The following LARGE1 variants were observed in gnomAD, a reference collection of about 807,000 sequenced individuals.
LARGE1 encodes the protein LARGE xylosyl- and glucuronyltransferase 1, also known as xylosyl- and glucuronyltransferase LARGE1.
Under a neutral mutation model 87.6 loss-of-function variants are expected in LARGE1, and 43 were observed. The observed-to-expected ratio is 0.49, with a 90% CI of 0.38 to 0.63. The LOEUF is 0.63. LARGE1 is among the 30% of genes least tolerant of loss of function. The probability of loss-of-function intolerance (pLI) is 0.00; values close to 1 mark genes in which losing one functional copy is unlikely to be tolerated. For synonymous variants in LARGE1, 434 were observed against 394.6 expected, an observed-to-expected ratio of 1.10 and a Z score of -1.18; for missense variants, 802 against 1,000.2, an observed-to-expected ratio of 0.80 and a Z score of 2.67.
At chr22:33,338,446 C>T (rs191237443) in intron 9 of LARGE1, among the ~76,000 whole-genome samples, 2 of 152,240 alleles carry the variant, frequency 1.3e-5, no homozygotes, top group Admixed American at 1.3e-4. Context: ...GTCCTGGCCC[C>T]AGGTTTTAAT....
At chr22:33,788,941 A>G (rs1281030105) in intron 1 of LARGE1, among the ~76,000 whole-genome samples, 1 of 152,224 alleles carries the variant, frequency 6.6e-6, no homozygotes, top group Admixed American at 6.5e-5. Context: ...TGATAATGCA[A>G]TAGAAAAGAA....
In LARGE1 at chr22:33,907,815, T is replaced by C. The variant is rs2065501070; in HGVS notation, c.-83+12180A>G. The stretch of plus-strand genomic sequence containing the variant: ...GGTTTCACCATGTTAGCCAGGATGG[T>C]CTCAATCTCCTGACCTCGTGATCCA... On this transcript the variant is annotated intron_variant, in intron 1 of 14. Coordinates refer to ENST00000397394, the MANE Select transcript of LARGE1 (RefSeq NM_133642.5). 2.0e-5 allele frequency among the ~76,000 whole-genome samples: 3 copies of C among 152,084 alleles called. No individual in the cohort carries two copies. The South Asian group carries it at 6.2e-4, about 32-fold the overall frequency.
chr22:33,392,154 T>C (rs898083004), intron 7 of LARGE1, among the ~76,000 whole-genome samples: 3 of 149,376 alleles, frequency 2.0e-5, no homozygotes, highest in Non-Finnish European at 3.0e-5. Context: ...GCTTCTTCTT[T>C]TTTTTTTTTT....
chr22:33,666,127 A>G (rs186498810), intron 2 of LARGE1, among the ~76,000 whole-genome samples: 7 of 152,348 alleles, frequency 4.6e-5, no homozygotes, highest in South Asian at 4.1e-4. Context: ...ACTTGCAGGA[A>G]AGAGAAGCAG....
intron 1 of LARGE1, among the ~76,000 whole-genome samples, chr22:33,878,805 G>A (rs1170483841): frequency 2.0e-5 from 3 of 152,168 alleles, no homozygotes; most frequent in Non-Finnish European, 2.9e-5. Flanking sequence ...TTGTCACTGG[G>A]ATCACCGATG....
At chr22:33,409,382 C>A (rs1001399657) in intron 7 of LARGE1, among the ~76,000 whole-genome samples, 6 of 152,076 alleles carry the variant, frequency 3.9e-5, no homozygotes, top group African/African-American at 1.4e-4. Flanking sequence ...ATCCAGGCAA[C>A]AATAGGGATG....
At chr22:33,573,768 T>C (rs953985561) in intron 5 of LARGE1, among the ~76,000 whole-genome samples, 26 of 152,172 alleles carry the variant, frequency 1.7e-4, no homozygotes, top group Non-Finnish European at 2.9e-5. Flanking sequence ...GGGTGGTTCT[T>C]AGGATTCCTC....
chr22:33,135,803 G>A, the LARGE1 span, among the ~76,000 whole-genome samples: 10 of 151,918 alleles, frequency 6.6e-5, no homozygotes, highest in African/African-American at 2.2e-4. Context: ...TTGCTCTACC[G>A]CACTCCAGCC....
At chr22:33,710,584 T>A (rs1249709449) in intron 2 of LARGE1, among the ~76,000 whole-genome samples, 2 of 152,190 alleles carry the variant, frequency 1.3e-5, no homozygotes, top group African/African-American at 2.4e-5. Context: ...AAAGGTTCTT[T>A]TAATCAGAGG....
At position 33,387,185 on chromosome 22, in the gene LARGE1, G is replaced by C. The variant is rs112505465; in HGVS notation, c.893-2881C>G. The stretch of plus-strand genomic sequence containing the variant: ...CATGCCTGTAATCTCAGCACTTTGG[G>C]AGGCCAAGGTGCACAGATCATCTGA... On this transcript the variant is annotated intron_variant, in intron 7 of 14. Coordinates refer to ENST00000397394, the MANE Select transcript of LARGE1 (RefSeq NM_133642.5). 2.9e-3 allele frequency among the ~76,000 whole-genome samples: 434 copies of C among 148,452 alleles called. 41 individuals carry two copies. The South Asian group carries it at 0.04, about 14-fold the overall frequency.
At chr22:33,176,909 A>G (rs1256879457) in intron 11 of LARGE1, among the ~76,000 whole-genome samples, 2 of 152,198 alleles carry the variant, frequency 1.3e-5, no homozygotes, top group African/African-American at 4.8e-5. Flanking sequence ...AACTAACCCT[A>G]ACGTCCATTA....
At chr22:33,905,276 C>T (rs1486057243) in intron 1 of LARGE1, among the ~76,000 whole-genome samples, 2 of 151,780 alleles carry the variant, frequency 1.3e-5, no homozygotes. Flanking sequence ...ACTACGTTGC[C>T]AGGGCTGGTC....
intron 1 of LARGE1, among the ~76,000 whole-genome samples, chr22:33,785,028 TATATACATATATGTGTATACATAC>T (rs1291981228): frequency 6.7e-6 from 1 of 150,234 alleles, no homozygotes; most frequent in Admixed American, 6.6e-5. Flanking sequence ...TACATATGTG[TATATACATATATGTGTATACATAC>T]ATGTGTATAT....
At chr22:33,379,311 C>A (rs577521647) in intron 9 of LARGE1, among the ~76,000 whole-genome samples, 12 of 150,248 alleles carry the variant, frequency 8.0e-5, no homozygotes, top group African/African-American at 2.9e-4. Context: ...ATGTGCACAA[C>A]GTGCAGGTTT....
chr22:33,183,317 A>G (rs972861201), intron 11 of LARGE1, among the ~76,000 whole-genome samples: 1 of 152,138 alleles, frequency 6.6e-6, no homozygotes, highest in Non-Finnish European at 1.5e-5. Context: ...TATCAACAAG[A>G]CAAGAGATAA....
intron 11 of LARGE1, among the ~76,000 whole-genome samples, chr22:33,185,563 T>C (rs958075512): frequency 2.0e-5 from 3 of 152,156 alleles, no homozygotes; most frequent in Non-Finnish European, 4.4e-5. Context: ...CTTTGGGTGA[T>C]AATGATATGT....
At chr22:33,628,667 T>C (rs980239216) in intron 3 of LARGE1, among the ~76,000 whole-genome samples, 1 of 152,144 alleles carries the variant, frequency 6.6e-6, no homozygotes, top group Non-Finnish European at 1.5e-5. Context: ...TTTTAAGATA[T>C]ATTCTGTGCC....
chr22:33,490,194 A>G (rs2069769513), intron 6 of LARGE1, among the ~76,000 whole-genome samples: 2 of 152,196 alleles, frequency 1.3e-5, no homozygotes, highest in African/African-American at 4.8e-5. Context: ...TATTCGGGTA[A>G]GTTATTCCTA....
chr22:33,078,610 C>T, the LARGE1 span, among the ~76,000 whole-genome samples: 1 of 152,228 alleles, frequency 6.6e-6, no homozygotes, highest in Non-Finnish European at 1.5e-5. Flanking sequence ...CCAATGCTGT[C>T]TGTCACTATA....
Sources: allele counts gnomAD v4.1 joint callset (sites outside exome capture counted in the v4.1 genomes callset), GRCh38; gene constraint gnomAD v4.1.1; transcripts MANE v1.5; gene names NCBI Gene and HGNC (gene_info 2026-07-23, HGNC 2026-07-21).